COL9A1: variants seen among roughly 807,000 people sequenced by gnomAD.
COL9A1 encodes collagen type IX alpha 1 chain.
COL9A1 carries 104 observed loss-of-function variants against 142.6 expected under a neutral mutation model. The observed-to-expected ratio is 0.73, with a 90% CI of 0.62 to 0.86. COL9A1 has a LOEUF of 0.86. Ranked by LOEUF, COL9A1 falls within the 40% of genes least tolerant of loss-of-function variation. The pLI is 0.00. For synonymous variants in COL9A1, 466 were observed against 396.0 expected (o/e 1.18, Z -2.10); for missense variants, 1,210 against 1,176.6 (o/e 1.03, Z -0.42).
At chr6:70,280,169 C>T (rs985881180) in intron 10 of COL9A1, among the ~76,000 whole-genome samples, 1 of 152,208 alleles carries the variant, frequency 6.6e-6, no homozygotes, top group Non-Finnish European at 1.5e-5. Context: ...AGAAAGCCTG[C>T]TGGTTCTCAA....
chr6:70,274,329 A>G (rs1772607699), intron 11 of COL9A1, among the ~76,000 whole-genome samples: 1 of 152,012 alleles, frequency 6.6e-6, no homozygotes, highest in Non-Finnish European at 1.5e-5. Flanking sequence ...CCTGGCATCC[A>G]CTAGCTATTC....
chr6:70,274,600 A>T, intron 11 of COL9A1, 119 bp downstream of exon 11: 2 of 796,964 alleles, frequency 2.5e-6, no homozygotes, highest in Non-Finnish European at 4.3e-6. Context: ...ACACAATTTT[A>T]GTTGAACGAG....
chr6:70,280,884 G>A lies in COL9A1; in HGVS notation c.913-10C>T. On this transcript the variant is annotated splice_polypyrimidine_tract_variant and intron_variant, in intron 9 of 37. Transcript: ENST00000357250. Reference sequence around the variant, plus strand: ...GTTCACCTGCAGGACCCTGAGCAGGGGCAGAAGGGTGCGGGGGCAGGAGAG... The same window carrying A: ...GTTCACCTGCAGGACCCTGAGCAGGAGCAGAAGGGTGCGGGGGCAGGAGAG... The A allele has an allele frequency of 6.2e-7, 1 of 1,613,518 alleles. No individual in the cohort carries two copies. The highest frequency in any genetic ancestry group is 8.5e-7 in the Non-Finnish European group (1 of 1,179,860).
chr6:70,260,597 G>T, intron 20 of COL9A1, 60 bp downstream of exon 20: 1 of 1,473,970 alleles, frequency 6.8e-7, no homozygotes, highest in Non-Finnish European at 9.3e-7. Flanking sequence ...ATGTTTAAAC[G>T]GCCAAAATTT....
In COL9A1 at chr6:70,294,255, G is replaced by A. The variant is rs965824270; in HGVS notation, c.608C>T (p.Ser203Phe). 1.9e-6 allele frequency: 3 copies of A among 1,613,950 alleles called. No individual in the cohort carries two copies. The highest frequency in any genetic ancestry group is 1.3e-5 in the African/African-American group (1 of 74,914). Residue 203 changes from serine to phenylalanine, a missense_variant, in exon 5 of 38, where the codon TCT (serine) becomes TTT (phenylalanine). Ser to Phe is a radical substitution (Grantham distance 155). Transcript: ENST00000357250. Reference protein sequence around the residue: ...TLFVDCNRIESLPIKPRGPID... With the variant: ...TLFVDCNRIEFLPIKPRGPID... Reference sequence around the variant, plus strand: ...TGGGCCTCTTGGCTTTATAGGTAAAGATTCAATCCTGTTGCAGTCAACAAA... The same window carrying A: ...TGGGCCTCTTGGCTTTATAGGTAAAAATTCAATCCTGTTGCAGTCAACAAA...
At chr6:70,250,067 C>G (rs1310733680) in intron 28 of COL9A1, among the ~76,000 whole-genome samples, 1 of 152,144 alleles carries the variant, frequency 6.6e-6, no homozygotes, top group Non-Finnish European at 1.5e-5. Flanking sequence ...TTGAAACCAG[C>G]CTGGGCAACA....
intron 24 of COL9A1, 25 bp downstream of exon 24, chr6:70,254,938 T>C (rs1771180272): frequency 1.2e-6 from 2 of 1,612,160 alleles, no homozygotes; most frequent in Admixed American, 1.7e-5. Flanking sequence ...CCCCACTCAC[T>C]CTTGGAGTAA....
rs2127565309 is a variant in COL9A1, at chr6:70,241,399, A to G, written c.2034+20T>C. ...CATATCAAACATTGCATTTTATACC[A>G]ATTAAATAATAAGACTGACCTGTTC... On this transcript the variant is annotated intron_variant, in intron 31 of 37. Transcript: ENST00000357250. 6.3e-7 allele frequency: 1 copy of G among 1,598,858 alleles called. No homozygotes were observed. Among genetic ancestry groups the G allele is most frequent in the South Asian group, 1.1e-5 (1 of 90,874 alleles).
chr6:70,263,659 G>A (rs964941433), intron 18 of COL9A1, among the ~76,000 whole-genome samples: 1 of 151,964 alleles, frequency 6.6e-6, no homozygotes, highest in South Asian at 2.1e-4. Flanking sequence ...TTCCAAGTGT[G>A]TGTCAAATGG....
Position 70,281,396 on chromosome 6 carries a change from G to A in COL9A1, c.870C>T (p.Gly290=), listed in dbSNP as rs2127597715. ...CCTGGAGATAGAAACTTACGTCGAT[G>A]CCATCGATGCCTGGAACTCCAGGGG... ...PGPPGVPGID[G]IDGDRGPKGP... Residue 290 remains glycine, a synonymous_variant, in exon 8 of 38, where the codon GGC becomes GGT. Transcript: ENST00000357250. 1 of 1,612,454 alleles carries A rather than the reference G, an allele frequency of 6.2e-7. No individual in the cohort carries two copies. The highest frequency in any genetic ancestry group is 8.5e-7 in the Non-Finnish European group (1 of 1,179,262).
intron 5 of COL9A1, among the ~76,000 whole-genome samples, chr6:70,291,571 C>G (rs1583343972): frequency 6.6e-6 from 1 of 152,140 alleles, no homozygotes; most frequent in Non-Finnish European, 1.5e-5. Context: ...ATTTATTTCT[C>G]TTTGTATGCC....
chr6:70,263,598 G>T lies in COL9A1; in HGVS notation c.1342-301C>A, dbSNP rs565776365. 3.2e-4 allele frequency among the ~76,000 whole-genome samples: 48 copies of T among 151,984 alleles called. No individual in the cohort carries two copies. The South Asian group carries it at 4.6e-3, about 14-fold the overall frequency. ...TGGGGGAAAGAGGAAGAGAGACAAA[G>T]ATATCAAGAAAAATAAAGAGAGATA... On this transcript the variant is annotated intron_variant, in intron 18 of 37. Coordinates refer to ENST00000357250, the MANE Select transcript of COL9A1 (RefSeq NM_001851.6).
intron 35 of COL9A1, among the ~76,000 whole-genome samples, chr6:70,233,425 T>C (rs541655113): frequency 3.2e-4 from 48 of 152,154 alleles, no homozygotes; most frequent in Non-Finnish European, 6.8e-4. Context: ...TGTGTGGGCT[T>C]TTTCAGGAAC....
chr6:70,300,688 G>C (rs1774031039), intron 2 of COL9A1, among the ~76,000 whole-genome samples: 1 of 152,050 alleles, frequency 6.6e-6, no homozygotes, highest in African/African-American at 2.4e-5. Context: ...CTAATAATCT[G>C]GCTGGGAAAA....
At chr6:70,280,738 C>A (rs1479436331) in intron 10 of COL9A1, 74 bp downstream of exon 10, 2 of 1,510,442 alleles carry the variant, frequency 1.3e-6, no homozygotes, top group East Asian at 2.4e-5. Flanking sequence ...TCCCTCCCCC[C>A]CCACAAAACA....
At chr6:70,235,408 G>C (rs775322317) in intron 33 of COL9A1, among the ~76,000 whole-genome samples, 1 of 152,070 alleles carries the variant, frequency 6.6e-6, no homozygotes, top group South Asian at 2.1e-4. Context: ...AGCGGAGATC[G>C]TGCCACTGTA....
chr6:70,302,535 G>C (rs1359917824), intron 1 of COL9A1, among the ~76,000 whole-genome samples: 1 of 151,924 alleles, frequency 6.6e-6, no homozygotes, highest in Admixed American at 6.6e-5. Context: ...ACCCTACTGA[G>C]AGATGTAAGG....
intron 34 of COL9A1, 24 bp from the exon 35 acceptor site, chr6:70,234,617 C>G (rs1453461286): frequency 6.2e-7 from 1 of 1,613,924 alleles, no homozygotes; most frequent in Admixed American, 1.7e-5. Context: ...GAAAAAAAGG[C>G]AGTTTATGCA....
intron 33 of COL9A1, among the ~76,000 whole-genome samples, chr6:70,236,591 A>C (rs116013267): frequency 0.017 from 2,594 of 152,342 alleles, 80 homozygotes; most frequent in African/African-American, 0.059. Flanking sequence ...AAGGCGATGA[A>C]GCAATGCTTT....
Sources: gnomAD v4.1 joint callset for allele counts (sites outside exome capture counted in the v4.1 genomes callset) on GRCh38, gnomAD v4.1.1 for gene constraint, MANE v1.5 for transcripts, NCBI Gene and HGNC (gene_info 2026-07-23, HGNC 2026-07-21) for gene names.